The following PLEKHB2 variants were observed in gnomAD, a reference collection of about 807,000 sequenced individuals.
The protein encoded by PLEKHB2 is pleckstrin homology domain-containing family B member 2.
PLEKHB2 carries 31 observed loss-of-function variants against 36.5 expected under a neutral mutation model. That is an observed-to-expected ratio of 0.85 (90% confidence interval 0.64 to 1.15). PLEKHB2 has a LOEUF of 1.15. Ranked by LOEUF, PLEKHB2 falls within the 50% of genes most tolerant of loss-of-function variation. The probability of loss-of-function intolerance (pLI) is 0.00; values close to 1 mark genes in which losing one functional copy is unlikely to be tolerated. For synonymous variants in PLEKHB2, 119 were observed against 112.0 expected (o/e 1.06, Z -0.39); for missense variants, 262 against 295.3 (o/e 0.89, Z 0.83).
intron 6 of PLEKHB2, among the ~76,000 whole-genome samples, chr2:131,135,775 A>T (rs1820322): frequency 0.22 from 33,828 of 150,574 alleles, 5,537 homozygotes; most frequent in African/African-American, 0.47. Context: ...TAATTTTTTT[A>T]TTTTTTTTAT....
At chr2:131,132,295 G>T (rs1697782454) in intron 5 of PLEKHB2, among the ~76,000 whole-genome samples, 1 of 152,140 alleles carries the variant, frequency 6.6e-6, no homozygotes, top group Non-Finnish European at 1.5e-5. Context: ...ATAAAGGACT[G>T]TTGAGAGTGC....
chr2:131,130,037 A>G (rs1256940515), intron 4 of PLEKHB2, among the ~76,000 whole-genome samples: 3 of 151,046 alleles, frequency 2.0e-5, no homozygotes. Flanking sequence ...TGTTAATAGC[A>G]TTCTTTTCTT....
chr2:131,126,325 A>G lies in PLEKHB2; in HGVS notation c.191-359A>G, dbSNP rs148431970. ...GGTGGATCACGAGGGCAGGAGTTCA[A>G]GACCACCCTGGCCAAGATGGTGAAA... is the stretch of plus-strand genomic sequence containing the variant. On this transcript the variant is annotated intron_variant, in intron 3 of 7. Transcript: ENST00000693505. Among the ~76,000 whole-genome samples, 565 of 152,260 alleles carry G rather than the reference A, an allele frequency of 3.7e-3. 7 individuals are homozygous for G. Among genetic ancestry groups the G allele is most frequent in the African/African-American group, 0.013 (536 of 41,544 alleles).
intron 1 of PLEKHB2, chr2:131,120,698 A>G (rs1229128268): frequency 3.4e-6 from 2 of 591,674 alleles, no homozygotes; most frequent in South Asian, 1.9e-5. Context: ...AGACTCGGTC[A>G]GGTGGGCTGG....
At chr2:131,114,523 G>A (rs941260163) in intron 1 of PLEKHB2, among the ~76,000 whole-genome samples, 20 of 152,128 alleles carry the variant, frequency 1.3e-4, no homozygotes, top group Non-Finnish European at 1.8e-4. Context: ...CCCAGAAAAT[G>A]GGTTTTTCTT....
chr2:131,128,949 C>G (rs946331395), intron 4 of PLEKHB2, among the ~76,000 whole-genome samples: 1 of 149,226 alleles, frequency 6.7e-6, no homozygotes, highest in African/African-American at 2.4e-5. Context: ...GTATGATACC[C>G]TTTAGCAAAG....
rs1243658202 is a variant in PLEKHB2, at chr2:131,120,916, C to T, written c.-8-18C>T. ...CTTTCTGGGTATGATTTTGAACCTG[C>T]CTGTTTTTGTTCTGTAGGTGAAGAG... On this transcript the variant is annotated intron_variant, in intron 1 of 7. Coordinates refer to ENST00000693505, the MANE Select transcript of PLEKHB2 (RefSeq NM_001100623.2). 1.9e-6 allele frequency: 3 copies of T among 1,613,416 alleles called. No individual in the cohort carries two copies. In the African/African-American group the frequency reaches 4.0e-5, roughly 22 times the overall value.
chr2:131,127,254 G>GT (rs1387994911), intron 4 of PLEKHB2, among the ~76,000 whole-genome samples: 1 of 152,180 alleles, frequency 6.6e-6, no homozygotes, highest in African/African-American at 2.4e-5. Context: ...GAGATGCTGG[G>GT]TAGGATCCTT....
Position 131,114,062 on chromosome 2 carries a change from C to A in PLEKHB2, c.-8-6872C>A, listed in dbSNP as rs889430475. On this transcript the variant is annotated intron_variant, in intron 1 of 7. Transcript: ENST00000693505. Reference sequence around the variant, plus strand: ...ACTTGTCTGTTTGTCTTAGAACTTTCAAAATGTTGTGTCTCGTCTGCTTTT... The same window carrying A: ...ACTTGTCTGTTTGTCTTAGAACTTTAAAAATGTTGTGTCTCGTCTGCTTTT... Among the ~76,000 whole-genome samples, 7 of 152,026 alleles carry A rather than the reference C, an allele frequency of 4.6e-5. No homozygotes were observed. In the South Asian group the frequency reaches 6.2e-4, roughly 14 times the overall value.
chr2:131,125,725 A>AC, intron 2 of PLEKHB2, 28 bp from the exon 3 acceptor site: 1 of 1,576,326 alleles, frequency 6.3e-7, no homozygotes. Flanking sequence ...AAAAAAAAAA[A>AC]AACAACCGTA....
chr2:131,127,061 G>A (rs150944159), intron 4 of PLEKHB2: 2 of 308,336 alleles, frequency 6.5e-6, no homozygotes, highest in South Asian at 5.0e-5. Flanking sequence ...GTGGGTAACG[G>A]GCATAGTTGA....
intron 1 of PLEKHB2, among the ~76,000 whole-genome samples, chr2:131,117,637 G>C (rs767276758): frequency 6.6e-6 from 1 of 152,042 alleles, no homozygotes; most frequent in Non-Finnish European, 1.5e-5. Context: ...AATATACTGG[G>C]AATTCACATT....
rs1699533638 is a variant in PLEKHB2, at chr2:131,149,546, A to G, written c.*2773A>G. The G allele has an allele frequency of 1.3e-5, 2 of 152,372 alleles. No homozygotes were observed. The highest frequency in any genetic ancestry group is 1.3e-4 in the Admixed American group (2 of 15,308). 9.4% of individuals were successfully genotyped at this position (152,372 alleles called of 1,614,324 possible). A position where few individuals can be genotyped will look rare whatever the true frequency, so the allele number is the denominator to read the frequency against. ...GGCCAGACTTTGCCCATTTTAGGCT[A>G]TCCAGGACTTAAGGTAGCCATCTGG... On this transcript the variant is annotated 3_prime_UTR_variant, in exon 8 of 8. Transcript: ENST00000693505.
chr2:131,129,044 G>A (rs1697380728), intron 4 of PLEKHB2, among the ~76,000 whole-genome samples: 1 of 152,232 alleles, frequency 6.6e-6, no homozygotes, highest in South Asian at 2.1e-4. Flanking sequence ...GAACACTTGG[G>A]CTGGGTGTGG....
At chr2:131,121,903 TTTTATTTATTTA>T (rs201737276) in intron 2 of PLEKHB2, among the ~76,000 whole-genome samples, 1 of 151,708 alleles carries the variant, frequency 6.6e-6, no homozygotes, top group East Asian at 1.9e-4. Flanking sequence ...TGTGTTTTAT[TTTTATTTATTTA>T]TTTATTTATT....
intron 6 of PLEKHB2, among the ~76,000 whole-genome samples, chr2:131,134,141 C>T (rs1206111175): frequency 1.3e-5 from 2 of 152,024 alleles, no homozygotes; most frequent in African/African-American, 2.4e-5. Context: ...CCTCATGATC[C>T]GCCCACCTCG....
At chr2:131,135,725 C>A (rs1316289413) in intron 6 of PLEKHB2, among the ~76,000 whole-genome samples, 2 of 151,984 alleles carry the variant, frequency 1.3e-5, no homozygotes, top group Non-Finnish European at 2.9e-5. Context: ...CTCAGCCTCT[C>A]TAGTAGTTGT....
chr2:131,138,066 C>T lies in PLEKHB2; in HGVS notation c.424-2101C>T, dbSNP rs1257868061. On this transcript the variant is annotated intron_variant, in intron 6 of 7. Transcript: ENST00000693505. ...CAATCTATTGTTCCTCTGTTGTGCT[C>T]TGATTGGGTAATTTCTACCCTTTAT... is the stretch of plus-strand genomic sequence containing the variant. Among the ~76,000 whole-genome samples the T allele has an allele frequency of 3.1e-5, 4 of 130,206 alleles. No homozygotes were observed. The East Asian group carries it at 8.8e-4, about 29-fold the overall frequency. 85.4% of individuals were successfully genotyped at this position (130,206 alleles called of 152,430 possible).
intron 7 of PLEKHB2, 71 bp from the exon 8 acceptor site, chr2:131,146,566 A>AC (rs1322328418): frequency 1.3e-6 from 2 of 1,489,894 alleles, no homozygotes; most frequent in Non-Finnish European, 9.1e-7. Context: ...TGAAAGGAGA[A>AC]CTGGTACTTT....
Sources: allele counts gnomAD v4.1 joint callset (sites outside exome capture counted in the v4.1 genomes callset), GRCh38; gene constraint gnomAD v4.1.1; transcripts MANE v1.5; gene names NCBI Gene and HGNC (gene_info 2026-07-23, HGNC 2026-07-21).